The following EXT2 variants were observed in gnomAD, a reference collection of about 807,000 sequenced individuals.
EXT2 encodes exostosin glycosyltransferase 2, also known as exostosin-2.
A neutral mutation model predicts 81.6 loss-of-function variants in EXT2; 53 were observed. That is an observed-to-expected ratio of 0.65 (90% CI 0.52 to 0.82). EXT2 has a LOEUF of 0.82. Among genes scored for constraint, EXT2 ranks in the 40% least tolerant of loss-of-function variants. The pLI is 0.00. For missense variants in EXT2, 774 were observed against 910.2 expected, an observed-to-expected ratio of 0.85 and a Z score of 1.93; for synonymous variants, 320 against 340.0, an observed-to-expected ratio of 0.94 and a Z score of 0.65.
Position 44,108,172 on chromosome 11 carries a change from G to T in EXT2, c.460G>T (p.Val154Phe), listed in dbSNP as rs761558322. ...TDDINRACLF[V>F]PSIDVLNQNT... ...TGACATCAACCGGGCCTGTCTGTTT[G>T]TTCCCTCCATCGATGTGCTTAACCA... Residue 154 changes from valine to phenylalanine, a missense_variant, in exon 2 of 14, where the codon GTT becomes TTT. By Grantham distance (50) the Val-to-Phe change is conservative. This residue lies in a region of EXT2 where 626 missense variants were observed against 670.5 expected (regional missense o/e 0.93). Coordinates refer to ENST00000533608, the MANE Select transcript of EXT2 (RefSeq NM_207122.2). The T allele has an allele frequency of 6.2e-7, 1 of 1,613,980 alleles. No homozygotes were observed. The highest frequency in any genetic ancestry group is 1.1e-5 in the South Asian group (1 of 91,076).
Position 44,109,285 on chromosome 11 carries a change from TAGG to T in EXT2, c.626+6_626+8del, listed in dbSNP as rs767094782. On this transcript the variant is annotated splice_donor_5th_base_variant and intron_variant, in intron 3 of 13. Transcript: ENST00000533608. The stretch of plus-strand genomic sequence containing the variant: ...AGCCCTGGATGTCCCCAGAGACAGG[TAGG>T]AGGCATATTTGGGGCTGTCCTTATG... 1.9e-6 allele frequency: 3 copies of T among 1,613,736 alleles called. No homozygotes were observed. In the Admixed American group the frequency reaches 5.0e-5, roughly 27 times the overall value.
intron 1 of EXT2, chr11:44,104,483 T>C (rs2134957180): frequency 6.6e-6 from 1 of 152,352 alleles, no homozygotes; most frequent in South Asian, 2.1e-4. Context: ...TAAAACCAGA[T>C]GGCACAAAAT....
In EXT2 at chr11:44,251,839, G is replaced by T. The variant is rs1213868985; in HGVS notation, c.*7552G>T. 6.6e-6 allele frequency among the ~76,000 whole-genome samples: 1 copy of T among 152,164 alleles called. No individual in the cohort carries two copies. The highest frequency in any genetic ancestry group is 1.5e-5 in the Non-Finnish European group (1 of 68,038). On this transcript the variant is annotated 3_prime_UTR_variant, in exon 14 of 14. Coordinates refer to ENST00000533608, the MANE Select transcript of EXT2 (RefSeq NM_207122.2). The stretch of plus-strand genomic sequence containing the variant: ...GTGCCAGATACTGTTCTTGGTGTGA[G>T]GATATGGCACTGAACAAAACAATGT...
intron 1 of EXT2, chr11:44,103,559 C>CT (rs938683494): frequency 2.1e-4 from 78 of 369,072 alleles, no homozygotes; most frequent in African/African-American, 1.1e-3. Flanking sequence ...AGTGTTTCCT[C>CT]TTTTTTTTCT....
chr11:44,241,259 G>A (rs903509), intron 13 of EXT2, among the ~76,000 whole-genome samples: 137,235 of 152,220 alleles, frequency 0.9, 61,943 homozygotes, highest in East Asian at 0.99. Flanking sequence ...GCAATATGAC[G>A]GGCAGACAGT....
rs545059378 is a variant in EXT2, at chr11:44,108,797, C to T, written c.537-397C>T. 3.0e-4 allele frequency among the ~76,000 whole-genome samples: 45 copies of T among 152,180 alleles called. No individual in the cohort carries two copies. The South Asian group carries it at 8.7e-3, about 30-fold the overall frequency. On this transcript the variant is annotated intron_variant, in intron 2 of 13. Transcript: ENST00000533608. ...CCTTAATATATCATGAATATATTTC[C>T]AAATTATGACATAATTTTATGTTCT...
chr11:44,194,195 G>A (rs180880840), intron 8 of EXT2, among the ~76,000 whole-genome samples: 2 of 152,166 alleles, frequency 1.3e-5, no homozygotes, highest in Admixed American at 6.5e-5. Flanking sequence ...ACCTCATTCT[G>A]TTGGAGTTTT....
At chr11:44,176,188 A>C (rs993444171) in intron 8 of EXT2, among the ~76,000 whole-genome samples, 1 of 152,234 alleles carries the variant, frequency 6.6e-6, no homozygotes, top group Non-Finnish European at 1.5e-5. Context: ...CTGTCTGGTC[A>C]TGACCCAGAC....
chr11:44,242,628 A>G (rs1207996757), intron 13 of EXT2, among the ~76,000 whole-genome samples: 1 of 151,678 alleles, frequency 6.6e-6, no homozygotes. Flanking sequence ...TATACACCCA[A>G]TAGTTGGGCA....
intron 2 of EXT2, 98 bp downstream of exon 2, chr11:44,108,346 T>C: frequency 7.4e-7 from 1 of 1,351,998 alleles, no homozygotes; most frequent in Admixed American, 1.9e-5. Flanking sequence ...TGCTCTTGAG[T>C]TGGTTTCCCG....
chr11:44,144,389 CTT>C (rs758777232), intron 7 of EXT2: 1 of 1,476,788 alleles, frequency 6.8e-7, no homozygotes, highest in Non-Finnish European at 9.3e-7. Flanking sequence ...TCTCTAGTCT[CTT>C]TGCTGAGAAG....
In EXT2 at chr11:44,244,668, T is replaced by C. The variant is rs886048280; in HGVS notation, c.*381T>C. 3.4e-5 allele frequency: 12 copies of C among 356,040 alleles called. No individual in the cohort carries two copies. In the Admixed American group the frequency reaches 4.9e-4, roughly 15 times the overall value. The allele number at this position is 356,040 out of a possible 1,614,324, so 22.1% of individuals were successfully genotyped here. ...GGAGAAGAGAAGCGTGTTAGCCCAT[T>C]TGAGGTCTGGGGAATCATGTAAAGG... On this transcript the variant is annotated 3_prime_UTR_variant, in exon 14 of 14. Transcript: ENST00000533608.
At chr11:44,215,904 C>G (rs528465336) in intron 10 of EXT2, among the ~76,000 whole-genome samples, 92 of 139,712 alleles carry the variant, frequency 6.6e-4, no homozygotes, top group African/African-American at 2.4e-3. Flanking sequence ...GAGTCTCGCT[C>G]TGTCGCCCAG....
intron 8 of EXT2, among the ~76,000 whole-genome samples, chr11:44,183,055 T>C (rs1289006621): frequency 6.6e-6 from 1 of 152,254 alleles, no homozygotes; most frequent in Non-Finnish European, 1.5e-5. Context: ...GTTTGTCTGA[T>C]GCTTTTGCAT....
intron 3 of EXT2, 117 bp from the exon 4 acceptor site, chr11:44,114,068 C>T (rs1954184711): frequency 4.3e-6 from 4 of 928,108 alleles, no homozygotes; most frequent in East Asian, 4.8e-5. Context: ...AAAACTGACT[C>T]TGTAAACGTT....
intron 7 of EXT2, among the ~76,000 whole-genome samples, chr11:44,155,788 TTATAA>T (rs1954848639): frequency 6.6e-6 from 1 of 152,210 alleles, no homozygotes; most frequent in Non-Finnish European, 1.5e-5. Flanking sequence ...AATTACAGTG[TTATAA>T]TATTCTGTGT....
At chr11:44,112,321 C>T (rs554224745) in intron 3 of EXT2, among the ~76,000 whole-genome samples, 43 of 152,280 alleles carry the variant, frequency 2.8e-4, no homozygotes, top group African/African-American at 9.4e-4. Context: ...TGCTGGAGAG[C>T]GCCTCCAGTG....
At chr11:44,156,194 C>A (rs1193349743) in intron 7 of EXT2, among the ~76,000 whole-genome samples, 1 of 152,050 alleles carries the variant, frequency 6.6e-6, no homozygotes, top group African/African-American at 2.4e-5. Flanking sequence ...TATTAAATGA[C>A]TTGAGATAGT....
At chr11:44,206,140 G>A (rs1026613049) in intron 9 of EXT2, among the ~76,000 whole-genome samples, 13 of 152,072 alleles carry the variant, frequency 8.5e-5, no homozygotes, top group Non-Finnish European at 1.8e-4. Flanking sequence ...TGAGGGGAGG[G>A]GATAAAGTGC....
Sources: gnomAD v4.1 joint callset for allele counts (sites outside exome capture counted in the v4.1 genomes callset) on GRCh38, gnomAD v4.1.1 for gene constraint, gnomAD v4.1.1 regional missense constraint, MANE v1.5 for transcripts, NCBI Gene and HGNC (gene_info 2026-07-23, HGNC 2026-07-21) for gene names.